The following QRFPR variants were observed in gnomAD, a reference collection of about 807,000 sequenced individuals.
QRFPR encodes pyroglutamylated RFamide peptide receptor, also known as pyroglutamylated RF-amide peptide receptor.
A neutral mutation model predicts 31.3 loss-of-function variants in QRFPR; 37 were observed. That is an observed-to-expected ratio of 1.18 (90% confidence interval 0.91 to 1.56). The LOEUF (loss-of-function observed/expected upper bound fraction) is 1.56. Ranked by LOEUF, QRFPR falls within the 40% of genes most tolerant of loss-of-function variation. QRFPR has a pLI of 0.00. For synonymous variants in QRFPR, 197 were observed against 192.0 expected, an observed-to-expected ratio of 1.03 and a Z score of -0.22; for missense variants, 542 against 532.5, an observed-to-expected ratio of 1.02 and a Z score of -0.18.
intron 1 of QRFPR, among the ~76,000 whole-genome samples, chr4:121,368,740 A>G (rs567762855): frequency 6.6e-6 from 1 of 151,930 alleles, no homozygotes; most frequent in African/African-American, 2.4e-5. Flanking sequence ...CCTCTACGCC[A>G]TGATTTGTCA....
chr4:121,330,749 G>C (rs1279104849), intron 4 of QRFPR, among the ~76,000 whole-genome samples: 1 of 152,208 alleles, frequency 6.6e-6, no homozygotes, highest in Non-Finnish European at 1.5e-5. Flanking sequence ...CACTCTGCTA[G>C]ATGCATGACA....
In QRFPR at chr4:121,380,592, T is replaced by C. The variant is rs563518211; in HGVS notation, c.56A>G (p.Asn19Ser). Residue 19 changes from asparagine (N) to serine (S), a missense_variant, in exon 1 of 6, where the codon AAC (asparagine) becomes AGC (serine). Coordinates refer to ENST00000394427, the MANE Select transcript of QRFPR (RefSeq NM_198179.3). The part of the protein sequence containing the change: ...EQFSRLLRDH[N>S]LTREQFIALY... ...AGCGATGAACTGCTCCCGCGTCAGG[T>C]TGTGGTCCCGCAGCAGCCGAGAGAA... 1.2e-5 allele frequency: 20 copies of C among 1,604,934 alleles called. No homozygotes were observed. Among genetic ancestry groups the C allele is most frequent in the African/African-American group, 8.0e-5 (6 of 74,834 alleles).
intron 2 of QRFPR, 100 bp downstream of exon 2, chr4:121,340,352 A>G (rs1725518939): frequency 7.8e-7 from 1 of 1,276,416 alleles, no homozygotes; most frequent in Non-Finnish European, 1.1e-6. Context: ...AATGCCTACA[A>G]GTTAGATAAG....
rs1725977521 is a variant in QRFPR at position 121,360,923 on chromosome 4, A to G, written c.340+19385T>C. On this transcript the variant is annotated intron_variant, in intron 1 of 5. Transcript: ENST00000394427. The stretch of plus-strand genomic sequence containing the variant: ...TCCCCAAGCACCTTCCACAACATAC[A>G]CTGTGTGCTGTTCGCCCTTGCATCC... Among the ~76,000 whole-genome samples, 2 of 152,170 alleles carry G rather than the reference A, an allele frequency of 1.3e-5. 1 individual carries two copies. The highest frequency in any genetic ancestry group is 1.3e-4 in the Admixed American group (2 of 15,274).
At chr4:121,348,170 A>T (rs1339380472) in intron 1 of QRFPR, among the ~76,000 whole-genome samples, 1 of 152,106 alleles carries the variant, frequency 6.6e-6, no homozygotes, top group African/African-American at 2.4e-5. Flanking sequence ...ACCTAAGGCA[A>T]ATTATCTTAC....
chr4:121,328,940 GA>G lies in QRFPR; in HGVS notation c.*373del, dbSNP rs1455815378. Reference sequence around the variant, plus strand: ...CCGGCTAATTTTTGTATTTTTAGCAGAGATGGGGTTTCACCGTGTTAGCCAG... The same window carrying G: ...CCGGCTAATTTTTGTATTTTTAGCAGGATGGGGTTTCACCGTGTTAGCCAG... On this transcript the variant is annotated 3_prime_UTR_variant, in exon 6 of 6. Coordinates refer to ENST00000394427, the MANE Select transcript of QRFPR (RefSeq NM_198179.3). The G allele has an allele frequency of 6.4e-6, 1 of 155,092 alleles. No individual in the cohort carries two copies. Among genetic ancestry groups the G allele is most frequent in the African/African-American group, 2.4e-5 (1 of 41,524 alleles). 9.6% of individuals were successfully genotyped at this position (155,092 alleles called of 1,614,324 possible).
rs1040714769 is a variant in QRFPR at position 121,335,472 on chromosome 4, A to G, written c.561+1335T>C. ...AAGCAAACAATCAGTCACAGGCAATACTGTCACACCTAGAGGGCATTGATT... is the reference window on the plus strand; with the variant it reads ...AAGCAAACAATCAGTCACAGGCAATGCTGTCACACCTAGAGGGCATTGATT... On this transcript the variant is annotated intron_variant, in intron 3 of 5. Coordinates refer to ENST00000394427, the MANE Select transcript of QRFPR (RefSeq NM_198179.3). Among the ~76,000 whole-genome samples the G allele has an allele frequency of 9.3e-5, 14 of 150,432 alleles. 1 individual carries two copies. The highest frequency in any genetic ancestry group is 3.4e-4 in the African/African-American group (14 of 40,872).
At chr4:121,338,026 A>G (rs985646560) in intron 2 of QRFPR, among the ~76,000 whole-genome samples, 12 of 152,304 alleles carry the variant, frequency 7.9e-5, no homozygotes, top group African/African-American at 2.6e-4. Flanking sequence ...CAATGACTCA[A>G]TTAAGCCATA....
rs1032787704 is a variant in QRFPR, at chr4:121,329,223, A to C, written c.*91T>G. 1 of 995,522 alleles carries C rather than the reference A, an allele frequency of 1.0e-6. No homozygotes were observed. The highest frequency in any genetic ancestry group is 1.9e-5 in the South Asian group (1 of 53,650). 61.7% of individuals were successfully genotyped at this position (995,522 alleles called of 1,614,324 possible). ...TTTGTTTTCTTCTTGTCATCATCTT[A>C]AGAATAAAAAGAGTATTTGACCTTT... On this transcript the variant is annotated 3_prime_UTR_variant, in exon 6 of 6. Transcript: ENST00000394427.
intron 2 of QRFPR, among the ~76,000 whole-genome samples, chr4:121,338,269 A>C (rs552413493): frequency 6.6e-6 from 1 of 152,254 alleles, no homozygotes; most frequent in South Asian, 2.1e-4. Context: ...TTTAGTACAA[A>C]TTCTGGAGGA....
chr4:121,352,608 A>T (rs759229119), intron 1 of QRFPR, among the ~76,000 whole-genome samples: 1 of 152,070 alleles, frequency 6.6e-6, no homozygotes, highest in South Asian at 2.1e-4. Context: ...CATAATGGTT[A>T]TACATATTTA....
chr4:121,343,231 C>T (rs1361956135), intron 1 of QRFPR, among the ~76,000 whole-genome samples: 2 of 152,284 alleles, frequency 1.3e-5, no homozygotes, highest in African/African-American at 2.4e-5. Context: ...GGCTGGCTTC[C>T]GTTGAACTTG....
chr4:121,338,340 T>C (rs1410847133), intron 2 of QRFPR, among the ~76,000 whole-genome samples: 2 of 152,142 alleles, frequency 1.3e-5, no homozygotes, highest in East Asian at 1.9e-4. Flanking sequence ...GGTTCTGAGA[T>C]AGAAGGGCTA....
intron 4 of QRFPR, 89 bp from the exon 5 acceptor site, chr4:121,330,612 TTCAC>T: frequency 2.2e-6 from 2 of 905,470 alleles, no homozygotes; most frequent in Non-Finnish European, 3.6e-6. Flanking sequence ...CTGAGCTTAG[TTCAC>T]TCAAACATAA....
intron 1 of QRFPR, among the ~76,000 whole-genome samples, chr4:121,365,565 TTATATATAATATATATTATATATATTA>T (rs1726097743): frequency 6.0e-5 from 1 of 16,670 alleles, no homozygotes; most frequent in Non-Finnish European, 8.7e-5. Flanking sequence ...ATAATATATA[TTATATATAATATATATTATATATATTA>T]TATATATATA....
chr4:121,370,162 G>A, intron 1 of QRFPR: 1 of 768,724 alleles, frequency 1.3e-6, no homozygotes, highest in East Asian at 2.4e-5. Context: ...TGATACTTGT[G>A]CTCTGAAATC....
At chr4:121,344,323 A>G (rs1452575312) in intron 1 of QRFPR, among the ~76,000 whole-genome samples, 1 of 152,146 alleles carries the variant, frequency 6.6e-6, no homozygotes, top group Non-Finnish European at 1.5e-5. Context: ...TGCCCATGCT[A>G]TGTGGCAGTT....
rs1252129676 is a variant in QRFPR at position 121,336,848 on chromosome 4, C to T, written c.520G>A (p.Val174Ile). 3 of 1,613,978 alleles carry T rather than the reference C, an allele frequency of 1.9e-6. No individual in the cohort carries two copies. The highest frequency in any genetic ancestry group is 1.6e-4 in the Middle Eastern group (1 of 6,082). Residue 174 changes from valine to isoleucine, a missense_variant, in exon 3 of 6, where the codon GTC becomes ATC. By Grantham distance (29) the Val-to-Ile change is conservative. Transcript: ENST00000394427. Reference protein sequence around the residue: ...TMLGVVWLVAVIVGSPMWHVQ... With the variant: ...TMLGVVWLVAIIVGSPMWHVQ... ...TGCCACATGGGTGATCCTACGATGA[C>T]TGCCACCAGCCAGACCACACCTGTA...
chr4:121,361,638 C>T (rs1002263597), intron 1 of QRFPR, among the ~76,000 whole-genome samples: 1 of 150,160 alleles, frequency 6.7e-6, no homozygotes, highest in East Asian at 2.0e-4. Flanking sequence ...AGGCCTGAGA[C>T]GATTCTGAAA....
Sources: allele counts gnomAD v4.1 joint callset (sites outside exome capture counted in the v4.1 genomes callset), GRCh38; gene constraint gnomAD v4.1.1; transcripts MANE v1.5; gene names NCBI Gene and HGNC (gene_info 2026-07-23, HGNC 2026-07-21).